Variants in ELN observed in about 807,000 individuals in gnomAD.
ELN encodes the protein elastin, also known as tropoelastin.
A neutral mutation model predicts 105.8 loss-of-function variants in ELN; 65 were observed. That is an observed-to-expected ratio of 0.61 (90% CI 0.50 to 0.75). The LOEUF is 0.75. ELN is among the 30% of genes least tolerant of loss of function. The pLI is 0.00. For synonymous variants in ELN, 368 were observed against 389.2 expected, an observed-to-expected ratio of 0.95 and a Z score of 0.64; for missense variants, 882 against 969.4, an observed-to-expected ratio of 0.91 and a Z score of 1.20.
At chr7:74,044,500 G>A (rs1328870588) in intron 9 of ELN, among the ~76,000 whole-genome samples, 5 of 152,108 alleles carry the variant, frequency 3.3e-5, no homozygotes, top group South Asian at 2.1e-4. Flanking sequence ...GCGGGCCCCC[G>A]AGGACAGATC....
At chr7:74,053,404 C>G in intron 18 of ELN, 95 bp downstream of exon 18, 2 of 1,546,894 alleles carry the variant, frequency 1.3e-6, no homozygotes, top group Non-Finnish European at 1.7e-6. Context: ...TTTGCATTCT[C>G]CCTAACACCA....
At chr7:74,056,148 G>C in intron 19 of ELN, 123 bp from the exon 20 acceptor site, 1 of 1,357,018 alleles carries the variant, frequency 7.4e-7, no homozygotes, top group South Asian at 1.2e-5. Flanking sequence ...CCAGTTTTCT[G>C]TCTTTTATGG....
chr7:74,046,794 C>T (rs1334492265), intron 12 of ELN, 27 bp downstream of exon 12: 7 of 1,612,896 alleles, frequency 4.3e-6, no homozygotes, highest in South Asian at 1.1e-5. Context: ...GTTCAAGATG[C>T]ACCACTCGGC....
chr7:74,056,713 G>C lies in ELN; in HGVS notation c.1357G>C (p.Gly453Arg). Reference sequence around the variant, plus strand: ...AGCTGCCGCCAAGGCTGCCAAGTACGGTAAGTGCCCCTGCCCTGCCTGTCC... The same window carrying C: ...AGCTGCCGCCAAGGCTGCCAAGTACCGTAAGTGCCCCTGCCCTGCCTGTCC... The part of the protein sequence containing the change: ...AAAAAKAAKY[G>R]VGTPAAAAAK... Residue 453 changes from glycine to arginine, a missense_variant and splice_region_variant, in exon 21 of 33, where the codon GGA becomes CGA. Coordinates refer to ENST00000252034, the MANE Select transcript of ELN (RefSeq NM_000501.4). The C allele has an allele frequency of 3.1e-6, 5 of 1,613,772 alleles. No homozygotes were observed. Among genetic ancestry groups the C allele is most frequent in the Non-Finnish European group, 3.4e-6 (4 of 1,180,018 alleles).
At chr7:74,057,021 T>G (rs1795394397) in intron 21 of ELN, among the ~76,000 whole-genome samples, 1 of 151,944 alleles carries the variant, frequency 6.6e-6, no homozygotes, top group African/African-American at 2.4e-5. Flanking sequence ...GTGGATCCCT[T>G]GAGGCCAGGA....
intron 4 of ELN, 116 bp downstream of exon 4, chr7:74,037,855 A>T (rs1790345248): frequency 6.9e-7 from 1 of 1,453,046 alleles, no homozygotes; most frequent in Non-Finnish European, 9.4e-7. Flanking sequence ...GCCAACGGGC[A>T]GGAGGAAGGA....
intron 8 of ELN, 60 bp from the exon 9 acceptor site, chr7:74,043,819 T>C (rs1791826178): frequency 1.3e-6 from 2 of 1,561,906 alleles, no homozygotes; most frequent in Non-Finnish European, 1.7e-6. Context: ...TGGGAAGGGC[T>C]GGGGAGGGGT....
rs1554682759 is a variant in ELN at position 74,059,882 on chromosome 7, G to A, written c.1415-4G>A. On this transcript the variant is annotated splice_polypyrimidine_tract_variant and splice_region_variant and intron_variant, in intron 22 of 32. Coordinates refer to ENST00000252034, the MANE Select transcript of ELN (RefSeq NM_000501.4). ...TTAATGATCAGCTCTTCTCAATCTT[G>A]CAGGGTTAGTTCCTGGTGTCGGCGT... 2 of 1,180,272 alleles carry A rather than the reference G, an allele frequency of 1.7e-6. No homozygotes were observed. Among genetic ancestry groups the A allele is most frequent in the Non-Finnish European group, 2.6e-6 (2 of 783,380 alleles). The allele number at this position is 1,180,272 out of a possible 1,614,324, so 73.1% of individuals were successfully genotyped here.
chr7:74,067,143 G>A (rs530683157), intron 32 of ELN, among the ~76,000 whole-genome samples: 21 of 152,112 alleles, frequency 1.4e-4, no homozygotes, highest in African/African-American at 4.1e-4. Context: ...AAAATTAGCC[G>A]GGTGTGGTGG....
At chr7:74,028,518 G>T (rs2130841709) in intron 1 of ELN, among the ~76,000 whole-genome samples, 1 of 152,322 alleles carries the variant, frequency 6.6e-6, no homozygotes, top group Admixed American at 6.5e-5. Context: ...TTGCTGCCCT[G>T]CGAGGGCTGA....
chr7:74,060,580 G>C, intron 25 of ELN, 79 bp downstream of exon 25: 1 of 1,606,240 alleles, frequency 6.2e-7, no homozygotes, highest in Non-Finnish European at 8.5e-7. Context: ...CACCTCCCCA[G>C]CACCCCCTCA....
intron 4 of ELN, among the ~76,000 whole-genome samples, chr7:74,038,846 C>A (rs558319666): frequency 2.6e-5 from 4 of 152,344 alleles, no homozygotes; most frequent in African/African-American, 7.2e-5. Context: ...TTGTGAAACA[C>A]CAGGGCTGGA....
intron 10 of ELN, chr7:74,045,714 G>A (rs1792306325): frequency 3.2e-6 from 1 of 314,524 alleles, no homozygotes; most frequent in Non-Finnish European, 6.1e-6. Flanking sequence ...CTGCACTCCA[G>A]CCTGGGCAAC....
intron 21 of ELN, 78 bp downstream of exon 21, chr7:74,056,791 T>C (rs1276337255): frequency 3.8e-6 from 6 of 1,597,488 alleles, no homozygotes; most frequent in South Asian, 2.2e-5. Flanking sequence ...GCAAACTGGC[T>C]CCCAGGCCTC....
chr7:74,047,152 G>A (rs1049440591), intron 12 of ELN, among the ~76,000 whole-genome samples: 2 of 152,182 alleles, frequency 1.3e-5, no homozygotes, highest in Non-Finnish European at 2.9e-5. Context: ...GTCAGCCTGG[G>A]TACAGGTGTC....
rs10579871 is a variant in ELN, at chr7:74,053,320, CTGTGTGTGTGTGTGTG to C, written c.1096+35_1096+50del. 24 of 1,562,760 alleles carry C rather than the reference CTGTGTGTGTGTGTGTG, an allele frequency of 1.5e-5. No homozygotes were observed. The highest frequency in any genetic ancestry group is 1.4e-4 in the East Asian group (6 of 42,618). On this transcript the variant is annotated intron_variant, in intron 18 of 32. Transcript: ENST00000252034. ...GTGCTGCGGTTCCAGGTGAGCTGGG[CTGTGTGTGTGTGTGTG>C]TGTGTGTGTGTGTGTGTGTGTGTAT... is the stretch of plus-strand genomic sequence containing the variant.
chr7:74,031,175 A>C (rs573618104), intron 1 of ELN, among the ~76,000 whole-genome samples: 43 of 152,244 alleles, frequency 2.8e-4, no homozygotes, highest in African/African-American at 1.0e-3. Flanking sequence ...ATGGCCCTAC[A>C]TGTGACTTGG....
intron 3 of ELN, among the ~76,000 whole-genome samples, chr7:74,037,108 ACCTTGCCCGGCC>A (rs1391108650): frequency 6.6e-5 from 10 of 151,296 alleles, no homozygotes; most frequent in Non-Finnish European, 1.2e-4. Flanking sequence ...GGCGTGAGCC[ACCTTGCCCGGCC>A]CCTTGCCCGG....
intron 1 of ELN, among the ~76,000 whole-genome samples, chr7:74,033,751 C>T (rs1014928951): frequency 5.3e-5 from 8 of 152,200 alleles, no homozygotes; most frequent in East Asian, 1.9e-4. Flanking sequence ...CGTCTGGCCG[C>T]GAGGCCTCCC....
Sources: allele counts gnomAD v4.1 joint callset (sites outside exome capture counted in the v4.1 genomes callset), GRCh38; gene constraint gnomAD v4.1.1; transcripts MANE v1.5; gene names NCBI Gene and HGNC (gene_info 2026-07-23, HGNC 2026-07-21).